The following MGAT4A variants were observed in gnomAD, a reference collection of about 807,000 sequenced individuals.
MGAT4A encodes N-acetylglucosaminyltransferase IVa.
Under a neutral mutation model 74.1 loss-of-function variants are expected in MGAT4A, and 33 were observed. The observed-to-expected ratio is 0.45, with a 90% confidence interval of 0.34 to 0.60. MGAT4A has a LOEUF of 0.60. Ranked by LOEUF, MGAT4A falls within the 20% of genes least tolerant of loss-of-function variation. The pLI, the probability that MGAT4A is intolerant of heterozygous loss-of-function variation, is 0.02. For synonymous variants in MGAT4A, 198 were observed against 210.4 expected (o/e 0.94, Z 0.51); for missense variants, 479 against 628.3 (o/e 0.76, Z 2.54).
intron 2 of MGAT4A, among the ~76,000 whole-genome samples, chr2:98,682,803 G>A (rs1401265667): frequency 6.6e-6 from 1 of 151,788 alleles, no homozygotes; most frequent in Non-Finnish European, 1.5e-5. Context: ...AAAACAAATG[G>A]CGGCCGGGCG....
At chr2:98,717,451 C>T (rs1444992164) in intron 2 of MGAT4A, among the ~76,000 whole-genome samples, 3 of 151,742 alleles carry the variant, frequency 2.0e-5, no homozygotes, top group Non-Finnish European at 4.4e-5. Context: ...CTAAACGCAC[C>T]ATGGGATCCT....
chr2:98,671,881 G>A (rs1204291986), intron 4 of MGAT4A, among the ~76,000 whole-genome samples: 1 of 132,072 alleles, frequency 7.6e-6, no homozygotes, highest in Non-Finnish European at 1.6e-5. Flanking sequence ...CATGGTCAGA[G>A]AGATTTGAAG....
Position 98,625,300 on chromosome 2 carries a change from T to C in MGAT4A, c.*266A>G, listed in dbSNP as rs1701127888. On this transcript the variant is annotated 3_prime_UTR_variant, in exon 16 of 16. Coordinates refer to ENST00000393487, the MANE Select transcript of MGAT4A (RefSeq NM_012214.3). ...AACAATATGTACAACTCTTATGTAT[T>C]AGTATAATACCAAAATAGTACAAGT... is the stretch of plus-strand genomic sequence containing the variant. 6.0e-6 allele frequency: 7 copies of C among 1,175,474 alleles called. No individual in the cohort carries two copies. Among genetic ancestry groups the C allele is most frequent in the Non-Finnish European group, 7.5e-6 (7 of 928,614 alleles). 72.8% of individuals were successfully genotyped at this position (1,175,474 alleles called of 1,614,324 possible).
chr2:98,643,517 T>C (rs951746141), intron 10 of MGAT4A, among the ~76,000 whole-genome samples: 5 of 152,228 alleles, frequency 3.3e-5, no homozygotes, highest in Non-Finnish European at 7.3e-5. Context: ...TTACTTCTAT[T>C]TTATTCCTCA....
In MGAT4A at chr2:98,640,337, C is replaced by T. The variant is rs188104837; in HGVS notation, c.1021-109G>A. 1,581 of 895,716 alleles carry T rather than the reference C, an allele frequency of 1.8e-3. 9 individuals carry two copies. The highest frequency in any genetic ancestry group is 9.6e-3 in the African/African-American group (572 of 59,278). The allele number at this position is 895,716 out of a possible 1,614,324, so 55.5% of individuals were successfully genotyped here. A position where few individuals can be genotyped will look rare whatever the true frequency, so the allele number is the denominator to read the frequency against. On this transcript the variant is annotated intron_variant, in intron 10 of 15. Transcript: ENST00000393487. ...AAATATTGAAAAGAAGGGCTGGGCG[C>T]GGTGGGTCATGCCTATAATCCCAGC...
At chr2:98,640,084 T>G in intron 11 of MGAT4A, 37 bp downstream of exon 11, 1 of 1,573,482 alleles carries the variant, frequency 6.4e-7, no homozygotes, top group Non-Finnish European at 8.7e-7. Context: ...AAATAACAAG[T>G]TGTATGTTCA....
chr2:98,697,090 T>C (rs192339777), intron 2 of MGAT4A, among the ~76,000 whole-genome samples: 169 of 152,304 alleles, frequency 1.1e-3, no homozygotes, highest in African/African-American at 3.9e-3. Flanking sequence ...AAAGTGGACA[T>C]TTTAAAACTA....
chr2:98,686,284 T>C (rs1702129401), intron 2 of MGAT4A, among the ~76,000 whole-genome samples: 1 of 152,216 alleles, frequency 6.6e-6, no homozygotes. Flanking sequence ...AAATAATTCA[T>C]TTACTCCCTT....
Position 98,623,043 on chromosome 2 carries a change from A to G in MGAT4A, c.*2523T>C, listed in dbSNP as rs147743150. The G allele has an allele frequency of 2.0e-6, 2 of 985,698 alleles. No individual in the cohort carries two copies. The highest frequency in any genetic ancestry group is 1.1e-4 in the East Asian group (1 of 8,820). The allele number at this position is 985,698 out of a possible 1,614,324, so 61.1% of individuals were successfully genotyped here. A position where few individuals can be genotyped will look rare whatever the true frequency, so the allele number is the denominator to read the frequency against. On this transcript the variant is annotated 3_prime_UTR_variant, in exon 16 of 16. Transcript: ENST00000393487. Reference sequence around the variant, plus strand: ...AAAAATAATACAAAATGATAAAAAGAGAAAGAGGAGGGCAGGCTGGAATAA... The same window carrying G: ...AAAAATAATACAAAATGATAAAAAGGGAAAGAGGAGGGCAGGCTGGAATAA...
intron 4 of MGAT4A, among the ~76,000 whole-genome samples, chr2:98,668,158 G>T (rs537818650): frequency 4.6e-5 from 7 of 152,340 alleles, no homozygotes; most frequent in African/African-American, 1.7e-4. Flanking sequence ...GGAACTGAAT[G>T]GTTAAGCTCA....
chr2:98,677,586 G>A (rs1324380824), intron 3 of MGAT4A, among the ~76,000 whole-genome samples: 1 of 152,016 alleles, frequency 6.6e-6, no homozygotes, highest in Non-Finnish European at 1.5e-5. Context: ...CTAAGTAGCT[G>A]GCACTACAGG....
At chr2:98,638,008 C>T (rs577004463) in intron 12 of MGAT4A, among the ~76,000 whole-genome samples, 1 of 152,232 alleles carries the variant, frequency 6.6e-6, no homozygotes, top group South Asian at 2.1e-4. Flanking sequence ...CAAGATGCTC[C>T]CCTTGGGCAA....
intron 2 of MGAT4A, among the ~76,000 whole-genome samples, chr2:98,707,813 A>G (rs1448863527): frequency 1.3e-5 from 2 of 151,960 alleles, no homozygotes; most frequent in African/African-American, 2.4e-5. Context: ...ACCAAATCCT[A>G]CCATTCCAGA....
chr2:98,654,991 T>C (rs950846055), intron 8 of MGAT4A, among the ~76,000 whole-genome samples: 1 of 152,160 alleles, frequency 6.6e-6, no homozygotes, highest in Admixed American at 6.6e-5. Flanking sequence ...CTAAAAATAA[T>C]TGGACTGTTA....
At chr2:98,697,379 G>A (rs1238152301) in intron 2 of MGAT4A, among the ~76,000 whole-genome samples, 1 of 152,226 alleles carries the variant, frequency 6.6e-6, no homozygotes, top group African/African-American at 2.4e-5. Flanking sequence ...TAGGTTCCCA[G>A]GGGTTAGGGA....
chr2:98,706,731 A>G (rs1290571575), intron 2 of MGAT4A, among the ~76,000 whole-genome samples: 3 of 152,060 alleles, frequency 2.0e-5, no homozygotes, highest in African/African-American at 7.2e-5. Flanking sequence ...ACATATATAC[A>G]TACATAAAAA....
Position 98,627,190 on chromosome 2 carries a change from C to T in MGAT4A, c.1469-1355G>A, listed in dbSNP as rs184167927. On this transcript the variant is annotated intron_variant, in intron 14 of 15. Coordinates refer to ENST00000393487, the MANE Select transcript of MGAT4A (RefSeq NM_012214.3). ...AAACTTGTGTGGGATGGAGATCTTG[C>T]TTCCTGTTTTAACTTTTGAAAGCAT... Among the ~76,000 whole-genome samples, 244 of 152,244 alleles carry T rather than the reference C, an allele frequency of 1.6e-3. 1 individual carries two copies. The highest frequency in any genetic ancestry group is 5.4e-3 in the African/African-American group (224 of 41,536).
intron 2 of MGAT4A, among the ~76,000 whole-genome samples, chr2:98,682,705 C>G (rs1239537650): frequency 7.1e-6 from 1 of 140,400 alleles, no homozygotes; most frequent in African/African-American, 2.5e-5. Flanking sequence ...CAGAGGACAC[C>G]CCTCATGTGG....
chr2:98,632,058 C>T (rs959770843), intron 14 of MGAT4A, among the ~76,000 whole-genome samples: 2 of 151,738 alleles, frequency 1.3e-5, no homozygotes, highest in Non-Finnish European at 2.9e-5. Flanking sequence ...TGCAGTGAGC[C>T]GGGATTGCAC....
Sources: gnomAD v4.1 joint callset for allele counts (sites outside exome capture counted in the v4.1 genomes callset) on GRCh38, gnomAD v4.1.1 for gene constraint, MANE v1.5 for transcripts, NCBI Gene and HGNC (gene_info 2026-07-23, HGNC 2026-07-21) for gene names.